UBR2: variants seen among roughly 807,000 people sequenced by gnomAD.
UBR2 encodes ubiquitin protein ligase E3 component n-recognin 2.
In UBR2, 92 loss-of-function variants were observed where a neutral mutation model predicts 247.9. That is an observed-to-expected ratio of 0.37 (90% CI 0.31 to 0.44). UBR2 has a LOEUF of 0.44. UBR2 is among the 20% of genes least tolerant of loss of function. The pLI, the probability that UBR2 is intolerant of heterozygous loss-of-function variation, is 1.00. For synonymous variants in UBR2, 672 were observed against 693.5 expected, an observed-to-expected ratio of 0.97 and a Z score of 0.49; for missense variants, 1,613 against 2,112.6, an observed-to-expected ratio of 0.76 and a Z score of 4.64.
At position 42,581,469 on chromosome 6, in the gene UBR2, G is replaced by A. The variant is rs139924576; in HGVS notation, c.338+7476G>A. On this transcript the variant is annotated intron_variant, in intron 2 of 46. Coordinates refer to ENST00000372901, the MANE Select transcript of UBR2 (RefSeq NM_001363705.2). ...GCCTCCCAGAGTGTTGGGATTACAG[G>A]CATGAGCCACTGTGCCCAGCCAACC... 2.7e-3 allele frequency among the ~76,000 whole-genome samples: 408 copies of A among 152,244 alleles called. 4 individuals carry two copies. The highest frequency in any genetic ancestry group is 0.017 in the Middle Eastern group (5 of 294).
chr6:42,678,818 G>T (rs1798871376), intron 41 of UBR2, 149 bp downstream of exon 41: 3 of 843,926 alleles, frequency 3.6e-6, no homozygotes, highest in Non-Finnish European at 5.3e-6. Flanking sequence ...AGCATAAAAT[G>T]TATGTTTATG....
At chr6:42,621,023 A>G (rs1342921650) in intron 11 of UBR2, among the ~76,000 whole-genome samples, 2 of 152,054 alleles carry the variant, frequency 1.3e-5, no homozygotes, top group African/African-American at 2.4e-5. Flanking sequence ...GGGTTTCACT[A>G]TGTTGGACAG....
At chr6:42,617,574 A>C in intron 11 of UBR2, 67 bp downstream of exon 11, 921 of 1,254,754 alleles carry the variant, frequency 7.3e-4, no homozygotes, top group Non-Finnish European at 9.5e-4. Context: ...ATAATAGAGA[A>C]CTAAAGTCTG....
chr6:42,652,483 A>G lies in UBR2; in HGVS notation c.2615-8A>G. On this transcript the variant is annotated splice_region_variant and splice_polypyrimidine_tract_variant and intron_variant, in intron 24 of 46. Transcript: ENST00000372901. ...AAAAGAAACCAATAATAACAACTGT[A>G]TTTTCAGCACTCCCACCTCCGGTGT... The G allele has an allele frequency of 6.3e-7, 1 of 1,593,148 alleles. No individual in the cohort carries two copies. The highest frequency in any genetic ancestry group is 2.2e-5 in the East Asian group (1 of 44,506).
intron 1 of UBR2, among the ~76,000 whole-genome samples, chr6:42,564,935 T>G (rs553521848): frequency 9.8e-4 from 150 of 152,320 alleles, no homozygotes; most frequent in African/African-American, 3.5e-3. Context: ...GTGCTATCTT[T>G]TTTTTTTGCA....
intron 46 of UBR2, 22 bp from the exon 47 acceptor site, chr6:42,691,010 G>T: frequency 6.2e-7 from 1 of 1,612,838 alleles, no homozygotes; most frequent in South Asian, 1.1e-5. Context: ...CATTCTGAGT[G>T]ACATGTGTCT....
chr6:42,566,174 C>G (rs978009556), intron 1 of UBR2, among the ~76,000 whole-genome samples: 1 of 151,964 alleles, frequency 6.6e-6, no homozygotes, highest in South Asian at 2.1e-4. Flanking sequence ...TGCAAACTAT[C>G]AAGTGATTAG....
chr6:42,639,899 G>T (rs912183742), intron 15 of UBR2, among the ~76,000 whole-genome samples: 4 of 151,948 alleles, frequency 2.6e-5, no homozygotes, highest in Non-Finnish European at 5.9e-5. Context: ...GTGGTGGCGG[G>T]TGCCTGTGGT....
chr6:42,666,293 A>G (rs1249318082), intron 34 of UBR2, 48 bp downstream of exon 34: 1 of 1,493,344 alleles, frequency 6.7e-7, no homozygotes. Flanking sequence ...TTTGAAATGA[A>G]TGATTAAGTC....
chr6:42,576,802 T>A (rs1434369665), intron 2 of UBR2, among the ~76,000 whole-genome samples: 2 of 152,154 alleles, frequency 1.3e-5, no homozygotes, highest in African/African-American at 2.4e-5. Context: ...ATTAAAGGCC[T>A]GAGCCACCGT....
chr6:42,654,515 G>C (rs138419705), intron 25 of UBR2, among the ~76,000 whole-genome samples: 12 of 152,056 alleles, frequency 7.9e-5, no homozygotes, highest in East Asian at 3.9e-4. Context: ...ACTTGGGGTC[G>C]GGAGTTCAAG....
chr6:42,573,431 C>T (rs1182270387), intron 1 of UBR2, among the ~76,000 whole-genome samples: 1 of 152,114 alleles, frequency 6.6e-6, no homozygotes, highest in Non-Finnish European at 1.5e-5. Flanking sequence ...TGGTTCATAT[C>T]TTATATAATG....
chr6:42,668,803 G>A (rs1488406744), intron 34 of UBR2, among the ~76,000 whole-genome samples: 1 of 152,034 alleles, frequency 6.6e-6, no homozygotes, highest in African/African-American at 2.4e-5. Flanking sequence ...TTGAACTCCT[G>A]GGCTCAAGCG....
rs1791325232 is a variant in UBR2, at chr6:42,573,852, A to G, written c.197A>G (p.Gln66Arg). ...PFPQKEDMLAQHVLLGPMEWY... is the reference protein window; with the variant it reads ...PFPQKEDMLARHVLLGPMEWY... ...CCACAGAAAGAAGACATGCTGGCAC[A>G]GCATGTTTTGTTGGGACCAATGGAA... is the stretch of plus-strand genomic sequence containing the variant. Residue 66 changes from glutamine to arginine, a missense_variant, in exon 2 of 47, where the codon CAG becomes CGG. Transcript: ENST00000372901. The G allele has an allele frequency of 6.2e-7, 1 of 1,614,022 alleles. No homozygotes were observed. Among genetic ancestry groups the G allele is most frequent in the South Asian group, 1.1e-5 (1 of 91,078 alleles).
chr6:42,628,020 G>T (rs1479481318), intron 11 of UBR2, among the ~76,000 whole-genome samples: 1 of 151,840 alleles, frequency 6.6e-6, no homozygotes, highest in Non-Finnish European at 1.5e-5. Context: ...TTTTTCTTGG[G>T]ATCTTAAATC....
intron 38 of UBR2, among the ~76,000 whole-genome samples, chr6:42,674,524 G>A (rs545948344): frequency 1.3e-5 from 2 of 152,220 alleles, no homozygotes; most frequent in South Asian, 4.2e-4. Flanking sequence ...AGCACTTTGC[G>A]AGGCTCACCC....
Position 42,655,690 on chromosome 6 carries a change from G to A in UBR2, c.2839G>A (p.Val947Ile). 1.9e-6 allele frequency: 3 copies of A among 1,554,242 alleles called. No individual in the cohort carries two copies. Among genetic ancestry groups the A allele is most frequent in the South Asian group, 1.2e-5 (1 of 80,134 alleles). ...TTTAGAGAATGTCACGGAAGAGCAT[G>A]TAGTAACATTTACCTTCACTCAGAA... Reference protein sequence around the residue: ...QHLENVTEEHVVTFTFTQKIS... With the variant: ...QHLENVTEEHIVTFTFTQKIS... The change falls in exon 26 of 47, where the codon GTA becomes ATA. Residue 947 changes from valine to isoleucine, a missense_variant. Val to Ile is a conservative substitution (Grantham distance 29). Coordinates refer to ENST00000372901, the MANE Select transcript of UBR2 (RefSeq NM_001363705.2).
intron 15 of UBR2, among the ~76,000 whole-genome samples, chr6:42,637,614 C>G (rs1385156306): frequency 2.0e-5 from 3 of 152,146 alleles, no homozygotes; most frequent in African/African-American, 7.2e-5. Context: ...TGAAGCCACC[C>G]TAGGTTTTCT....
intron 2 of UBR2, among the ~76,000 whole-genome samples, chr6:42,577,761 AT>A (rs1445436827): frequency 6.6e-6 from 1 of 152,080 alleles, no homozygotes; most frequent in Admixed American, 6.6e-5. Context: ...CTTTTTTAAC[AT>A]TTAAAAACGT....
Sources: allele counts gnomAD v4.1 joint callset (sites outside exome capture counted in the v4.1 genomes callset), GRCh38; gene constraint gnomAD v4.1.1; transcripts MANE v1.5; gene names NCBI Gene and HGNC (gene_info 2026-07-23, HGNC 2026-07-21).